Variants in CCDC102B observed in about 807,000 individuals in gnomAD.
CCDC102B encodes the protein coiled-coil domain-containing protein 102B.
A neutral mutation model predicts 57.4 loss-of-function variants in CCDC102B; 75 were observed. The observed-to-expected ratio is 1.31, with a 90% confidence interval of 1.08 to 1.58. CCDC102B has a LOEUF of 1.58. Among genes scored for constraint, CCDC102B ranks in the 40% most tolerant of loss-of-function variants. The pLI is 0.00. For synonymous variants in CCDC102B, 206 were observed against 201.9 expected, an observed-to-expected ratio of 1.02 and a Z score of -0.17; for missense variants, 636 against 582.6, an observed-to-expected ratio of 1.09 and a Z score of -0.94.
chr18:68,765,328 A>AAG (rs2034409488), intron 2 of CCDC102B, among the ~76,000 whole-genome samples: 10 of 70,358 alleles, frequency 1.4e-4, no homozygotes, highest in South Asian at 5.3e-4. Context: ...AAGGAAGGAA[A>AAG]GAAAGAAAGA....
intron 1 of CCDC102B, among the ~76,000 whole-genome samples, chr18:68,831,229 ATAATTTT>A (rs1599531349): frequency 6.6e-6 from 1 of 152,102 alleles, no homozygotes; most frequent in East Asian, 1.9e-4. Context: ...TTTTTCTCAA[ATAATTTT>A]ACTGAAAACC....
chr18:68,835,851 A>C (rs1255680828), intron 1 of CCDC102B, among the ~76,000 whole-genome samples: 1 of 152,180 alleles, frequency 6.6e-6, no homozygotes, highest in Non-Finnish European at 1.5e-5. Context: ...TGATGTTCTC[A>C]TATTTTTCTA....
rs112024929 is a variant in CCDC102B at position 68,799,430 on chromosome 18, C to T, written c.-16+1249C>T. Among the ~76,000 whole-genome samples, 137 of 152,174 alleles carry T rather than the reference C, an allele frequency of 9.0e-4. 1 individual carries two copies. Among genetic ancestry groups the T allele is most frequent in the African/African-American group, 3.2e-3 (132 of 41,534 alleles). On this transcript the variant is annotated intron_variant, in intron 1 of 7. Transcript: ENST00000360242. ...GATCACTGGGACATTGTTTCTGGGCCTCACTATGGGTTTGGCTTCAAGGTA... is the reference window on the plus strand; with the variant it reads ...GATCACTGGGACATTGTTTCTGGGCTTCACTATGGGTTTGGCTTCAAGGTA...
chr18:68,924,163 G>A (rs975620634), intron 6 of CCDC102B, among the ~76,000 whole-genome samples: 6 of 148,810 alleles, frequency 4.0e-5, no homozygotes, highest in African/African-American at 1.2e-4. Flanking sequence ...CTATTTTTAG[G>A]TACCCATTGG....
chr18:69,041,388 A>T (rs942440993), intron 7 of CCDC102B, among the ~76,000 whole-genome samples: 1 of 152,038 alleles, frequency 6.6e-6, no homozygotes, highest in Non-Finnish European at 1.5e-5. Flanking sequence ...CATGACCTAC[A>T]CTTATTGGAT....
intron 6 of CCDC102B, among the ~76,000 whole-genome samples, chr18:68,992,079 T>C (rs186930004): frequency 6.6e-6 from 1 of 152,326 alleles, no homozygotes; most frequent in Admixed American, 6.5e-5. Context: ...TGTATCTTTT[T>C]TTTTTATCCT....
intron 1 of CCDC102B, among the ~76,000 whole-genome samples, chr18:68,830,603 A>G (rs1339275640): frequency 6.6e-6 from 1 of 151,376 alleles, no homozygotes; most frequent in East Asian, 1.9e-4. Context: ...CAGATTATAT[A>G]TACATGTATA....
At chr18:68,849,715 T>C (rs930375214) in intron 4 of CCDC102B, among the ~76,000 whole-genome samples, 1 of 152,134 alleles carries the variant, frequency 6.6e-6, no homozygotes, top group East Asian at 1.9e-4. Flanking sequence ...GCCTAAACCA[T>C]CACAGGCTGA....
intron 7 of CCDC102B, among the ~76,000 whole-genome samples, chr18:69,019,312 A>G (rs2051761135): frequency 6.6e-6 from 1 of 152,042 alleles, no homozygotes; most frequent in Non-Finnish European, 1.5e-5. Flanking sequence ...ATGGATATTT[A>G]AACAATATTA....
intron 2 of CCDC102B, among the ~76,000 whole-genome samples, chr18:68,757,842 G>GAT (rs2034106234): frequency 6.6e-6 from 1 of 152,166 alleles, no homozygotes; most frequent in Admixed American, 6.6e-5. Flanking sequence ...TGTCCCCAAA[G>GAT]TCAGTGCATG....
chr18:68,783,176 A>G (rs2035066736), intron 2 of CCDC102B, among the ~76,000 whole-genome samples: 1 of 152,168 alleles, frequency 6.6e-6, no homozygotes, highest in Non-Finnish European at 1.5e-5. Context: ...CAGGTTTCCC[A>G]TTGTGATATG....
At chr18:69,001,313 TTTG>T (rs67505949) in intron 6 of CCDC102B, among the ~76,000 whole-genome samples, 143,616 of 151,608 alleles carry the variant, frequency 0.95, 68,126 homozygotes, top group South Asian at 0.98. Flanking sequence ...TACCTACTGA[TTTG>T]TTGTTGTTGT....
intron 6 of CCDC102B, among the ~76,000 whole-genome samples, chr18:68,942,181 A>G (rs2049396069): frequency 2.0e-5 from 3 of 152,158 alleles, no homozygotes; most frequent in Non-Finnish European, 4.4e-5. Flanking sequence ...GATTTTTCAT[A>G]CCAAACACTG....
intron 6 of CCDC102B, among the ~76,000 whole-genome samples, chr18:68,995,555 C>T (rs879624773): frequency 3.3e-5 from 5 of 152,104 alleles, no homozygotes; most frequent in Non-Finnish European, 7.3e-5. Context: ...GGCCCCAAGA[C>T]TTGTCAGCTT....
chr18:68,839,440 C>T (rs1044401951), intron 3 of CCDC102B, among the ~76,000 whole-genome samples: 5 of 152,130 alleles, frequency 3.3e-5, no homozygotes, highest in Non-Finnish European at 7.4e-5. Context: ...TTGGCTGTTG[C>T]CCCTTTGTGA....
At chr18:68,815,296 GT>G (rs1477600659) in intron 1 of CCDC102B, among the ~76,000 whole-genome samples, 6 of 152,060 alleles carry the variant, frequency 3.9e-5, no homozygotes, top group Non-Finnish European at 8.8e-5. Context: ...CAACAAATCT[GT>G]GTATTTCAAA....
At chr18:68,854,383 A>G (rs1263594825) in intron 4 of CCDC102B, among the ~76,000 whole-genome samples, 3 of 152,216 alleles carry the variant, frequency 2.0e-5, no homozygotes, top group Non-Finnish European at 4.4e-5. Context: ...TACAGGCGTG[A>G]GCCACCGTGC....
At chr18:68,831,825 G>C (rs1444981428) in intron 1 of CCDC102B, among the ~76,000 whole-genome samples, 1 of 151,920 alleles carries the variant, frequency 6.6e-6, no homozygotes, top group African/African-American at 2.4e-5. Context: ...GTGTACTCTT[G>C]CAAAAGTTCA....
intron 2 of CCDC102B, among the ~76,000 whole-genome samples, chr18:68,720,226 T>G (rs2032249695): frequency 6.6e-6 from 1 of 152,220 alleles, no homozygotes; most frequent in Non-Finnish European, 1.5e-5. Context: ...CTGAGATGTT[T>G]TGCTAAATTT....
Sources: allele counts gnomAD v4.1 joint callset (sites outside exome capture counted in the v4.1 genomes callset), GRCh38; gene constraint gnomAD v4.1.1; transcripts MANE v1.5; gene names NCBI Gene and HGNC (gene_info 2026-07-23, HGNC 2026-07-21).